The following DPP6 variants were observed in gnomAD, a reference collection of about 807,000 sequenced individuals.
The protein encoded by DPP6 is A-type potassium channel modulatory protein DPP6.
A neutral mutation model predicts 122.6 loss-of-function variants in DPP6; 69 were observed. The ratio of observed to expected loss-of-function variants is 0.56; its 90% confidence interval spans 0.46 to 0.69. DPP6 has a LOEUF of 0.69. DPP6 is among the 30% of genes least tolerant of loss of function. The pLI is 0.00. For synonymous variants in DPP6, 418 were observed against 433.1 expected, an observed-to-expected ratio of 0.97 and a Z score of 0.43; for missense variants, 928 against 1,116.9, an observed-to-expected ratio of 0.83 and a Z score of 2.41.
At chr7:154,785,007 C>A (rs141586273) in intron 10 of DPP6, among the ~76,000 whole-genome samples, 2 of 152,070 alleles carry the variant, frequency 1.3e-5, no homozygotes, top group Non-Finnish European at 2.9e-5. Flanking sequence ...GCATCTAGAG[C>A]GGCTGTGATC....
intron 2 of DPP6, among the ~76,000 whole-genome samples, chr7:154,463,957 C>T (rs1349377425): frequency 6.6e-6 from 1 of 152,300 alleles, no homozygotes; most frequent in Non-Finnish European, 1.5e-5. Flanking sequence ...CTTGGCCACC[C>T]CAGCTGCTGT....
intron 6 of DPP6, among the ~76,000 whole-genome samples, chr7:154,643,609 C>T (rs1836254600): frequency 6.6e-6 from 1 of 151,948 alleles, no homozygotes. Context: ...GCTGGGACTA[C>T]AGGCACCCAC....
chr7:154,859,301 AT>A (rs1387145440), intron 17 of DPP6, among the ~76,000 whole-genome samples: 13 of 152,228 alleles, frequency 8.5e-5, no homozygotes, highest in African/African-American at 3.1e-4. Context: ...AGCGGGGCCC[AT>A]GGCCTACAGC....
intron 7 of DPP6, among the ~76,000 whole-genome samples, chr7:154,710,079 C>A (rs1016114603): frequency 6.6e-6 from 1 of 152,174 alleles, no homozygotes; most frequent in African/African-American, 2.4e-5. Flanking sequence ...ATGCTGCTGT[C>A]CCCCCAACCA....
intron 1 of DPP6, among the ~76,000 whole-genome samples, chr7:153,990,118 C>T: frequency 1.0e-5 from 1 of 95,960 alleles, no homozygotes; most frequent in African/African-American, 3.6e-5. Flanking sequence ...GTCCCGCCCC[C>T]TGCCAGCCCC....
At chr7:153,807,290 C>G in the DPP6 span, among the ~76,000 whole-genome samples, 16 of 151,652 alleles carry the variant, frequency 1.1e-4, no homozygotes, top group African/African-American at 3.2e-4. Context: ...GCAGGCCCAG[C>G]TACTTGGTAG....
the DPP6 span, among the ~76,000 whole-genome samples, chr7:153,836,237 T>C: frequency 2.0e-5 from 3 of 152,202 alleles, no homozygotes; most frequent in East Asian, 5.8e-4. Context: ...CTTGTGTGCC[T>C]CTTTCTGGCT....
At chr7:154,823,152 A>G in intron 16 of DPP6, among the ~76,000 whole-genome samples, 1 of 152,288 alleles carries the variant, frequency 6.6e-6, no homozygotes. Context: ...TCTTTAAGAC[A>G]TTATTTTTTT....
chr7:154,872,347 C>T (rs550796520), intron 18 of DPP6, among the ~76,000 whole-genome samples: 61 of 152,370 alleles, frequency 4.0e-4, no homozygotes, highest in African/African-American at 1.4e-3. Context: ...AGCGAGTGCC[C>T]GGGCCATCGA....
intron 1 of DPP6, among the ~76,000 whole-genome samples, chr7:153,893,395 G>A (rs558880508): frequency 2.6e-5 from 4 of 152,210 alleles, no homozygotes; most frequent in South Asian, 2.1e-4. Flanking sequence ...GTATTCATTC[G>A]TCCCCATGGA....
intron 1 of DPP6, among the ~76,000 whole-genome samples, chr7:154,227,135 C>T (rs141712868): frequency 3.2e-4 from 49 of 151,232 alleles, no homozygotes; most frequent in African/African-American, 1.1e-3. Flanking sequence ...CCTAGGTTTG[C>T]TGTAGCACTA....
chr7:154,100,985 G>T (rs1355445024), intron 1 of DPP6, among the ~76,000 whole-genome samples: 4 of 137,470 alleles, frequency 2.9e-5, no homozygotes, highest in Non-Finnish European at 4.9e-5. Context: ...GCGTGCTGCT[G>T]GTCCTGCCAA....
intron 3 of DPP6, among the ~76,000 whole-genome samples, chr7:154,477,156 T>C (rs887471612): frequency 6.6e-6 from 1 of 152,170 alleles, no homozygotes; most frequent in South Asian, 2.1e-4. Context: ...AGTTACTTCA[T>C]TCACTTTAAG....
chr7:154,144,361 A>C (rs1249884220), intron 1 of DPP6, among the ~76,000 whole-genome samples: 1 of 151,036 alleles, frequency 6.6e-6, no homozygotes, highest in East Asian at 2.0e-4. Context: ...AATTTGATTT[A>C]TGGTATTTTG....
intron 1 of DPP6, among the ~76,000 whole-genome samples, chr7:154,104,739 A>G (rs1182534927): frequency 6.6e-6 from 1 of 151,888 alleles, no homozygotes; most frequent in Non-Finnish European, 1.5e-5. Context: ...GTGTGCTTAC[A>G]TAACATACAC....
chr7:154,297,462 A>G (rs530174730), intron 1 of DPP6, among the ~76,000 whole-genome samples: 86 of 152,356 alleles, frequency 5.6e-4, no homozygotes, highest in African/African-American at 2.0e-3. Context: ...CTGGAAATCA[A>G]CATAAATATA....
chr7:154,045,490 C>G (rs1799974690), intron 1 of DPP6, among the ~76,000 whole-genome samples: 2 of 152,250 alleles, frequency 1.3e-5, no homozygotes, highest in Non-Finnish European at 2.9e-5. Context: ...TTCAGCTGGT[C>G]TGAGACAGGG....
chr7:154,250,484 G>A lies in DPP6; in HGVS notation c.244-195730G>A, dbSNP rs980097293. Among the ~76,000 whole-genome samples the A allele has an allele frequency of 5.9e-5, 9 of 152,038 alleles. No individual in the cohort carries two copies. In the East Asian group the frequency reaches 7.8e-4, roughly 13 times the overall value. Reference sequence around the variant, plus strand: ...TCTCAGAAGTCTTTGACAAAGGCACGGTTGGCTTCATTTTCTGTCTGTGAA... The same window carrying A: ...TCTCAGAAGTCTTTGACAAAGGCACAGTTGGCTTCATTTTCTGTCTGTGAA... On this transcript the variant is annotated intron_variant, in intron 1 of 25. Transcript: ENST00000377770.
At chr7:154,332,470 G>A (rs4726408) in intron 1 of DPP6, among the ~76,000 whole-genome samples, 64,355 of 152,222 alleles carry the variant, frequency 0.42, 15,772 homozygotes, top group East Asian at 0.69. Flanking sequence ...GAGATCCCGC[G>A]TCTCTCACGG....
Sources: allele counts gnomAD v4.1 joint callset (sites outside exome capture counted in the v4.1 genomes callset), GRCh38; gene constraint gnomAD v4.1.1; transcripts MANE v1.5; gene names NCBI Gene and HGNC (gene_info 2026-07-23, HGNC 2026-07-21).